The following MYRFL variants were observed in gnomAD, a reference collection of about 807,000 sequenced individuals.
MYRFL encodes myelin regulatory factor-like protein.
MYRFL carries 88 observed loss-of-function variants against 109.4 expected under a neutral mutation model. The observed-to-expected ratio is 0.80, with a 90% confidence interval of 0.68 to 0.96. MYRFL has a LOEUF of 0.96. Ranked by LOEUF, MYRFL falls within the 40% of genes least tolerant of loss-of-function variation. MYRFL has a pLI of 0.00. For missense variants in MYRFL, 957 were observed against 954.9 expected (o/e 1.00, Z -0.03); for synonymous variants, 324 against 320.9 (o/e 1.01, Z -0.10).
intron 4 of MYRFL, among the ~76,000 whole-genome samples, chr12:69,879,729 T>C (rs1407923159): frequency 6.6e-6 from 1 of 152,232 alleles, no homozygotes; most frequent in African/African-American, 2.4e-5. Flanking sequence ...CGTAAGCTTA[T>C]GCAGCCTCAG....
intron 5 of MYRFL, 101 bp from the exon 6 acceptor site, chr12:69,886,719 T>C (rs1886475578): frequency 1.5e-6 from 2 of 1,373,672 alleles, no homozygotes; most frequent in Admixed American, 4.3e-5. Context: ...CCCTAGTCAC[T>C]CTGCCTTACA....
intron 13 of MYRFL, 68 bp downstream of exon 13, chr12:69,910,998 C>T: frequency 3.7e-6 from 4 of 1,091,610 alleles, no homozygotes; most frequent in South Asian, 1.4e-5. Flanking sequence ...TCTGTGATAG[C>T]ACAATGGGCT....
rs770442993 is a variant in MYRFL at position 69,891,112 on chromosome 12, C to T, written c.849C>T (p.Thr283=). ...GGGGAAGTCCAAAATTTGTTGAAAC[C>T]GAGATGGGCCTAAAGCCAATAGAAA... ...QVWGSPKFVE[T]EMGLKPIEMF... is the part of the protein sequence containing the mutation. The change falls in exon 7 of 25, where the codon ACC becomes ACT. Residue 283 remains threonine, a synonymous_variant. Coordinates refer to ENST00000552032, the MANE Select transcript of MYRFL (RefSeq NM_182530.3). 35 of 1,534,296 alleles carry T rather than the reference C, an allele frequency of 2.3e-5. No homozygotes were observed. In the African/African-American group the frequency reaches 3.0e-4, roughly 13 times the overall value.
intron 8 of MYRFL, among the ~76,000 whole-genome samples, chr12:69,895,097 G>A (rs146236546): frequency 1.6e-3 from 241 of 152,346 alleles, no homozygotes; most frequent in African/African-American, 5.4e-3. Context: ...GGTATATGGA[G>A]CATATGGCCC....
chr12:69,855,256 A>G, intron 1 of MYRFL, 24 bp from the exon 2 acceptor site: 1 of 698,358 alleles, frequency 1.4e-6, no homozygotes, highest in South Asian at 1.5e-5. Context: ...CATGTTTCTC[A>G]AGATTTTCAA....
In MYRFL at chr12:69,887,639, T is replaced by C. The variant is rs571101838; in HGVS notation, c.707+669T>C. Among the ~76,000 whole-genome samples the C allele has an allele frequency of 2.2e-3, 335 of 152,352 alleles. 1 individual carries two copies. Among genetic ancestry groups the C allele is most frequent in the Middle Eastern group, 0.01 (3 of 294 alleles). ...CTACTTAAGCCTTCTAGAATTTTCATTGGGCTATAACTTAAGTTAAAATTT... is the reference window on the plus strand; with the variant it reads ...CTACTTAAGCCTTCTAGAATTTTCACTGGGCTATAACTTAAGTTAAAATTT... On this transcript the variant is annotated intron_variant, in intron 6 of 24. Coordinates refer to ENST00000552032, the MANE Select transcript of MYRFL (RefSeq NM_182530.3).
In MYRFL at chr12:69,952,794, T is replaced by G; in HGVS notation, c.2288-5T>G. 1 of 1,517,042 alleles carries G rather than the reference T, an allele frequency of 6.6e-7. No homozygotes were observed. 94.0% of individuals were successfully genotyped at this position (1,517,042 alleles called of 1,614,324 possible). The stretch of plus-strand genomic sequence containing the variant: ...ATTTACTTTGTCTATTTCTTCTCAA[T>G]TCAGGGATTGATACAACCATCAGTT... On this transcript the variant is annotated splice_polypyrimidine_tract_variant and splice_region_variant and intron_variant, in intron 20 of 24. Coordinates refer to ENST00000552032, the MANE Select transcript of MYRFL (RefSeq NM_182530.3).
intron 10 of MYRFL, 34 bp from the exon 11 acceptor site, chr12:69,903,610 A>G: frequency 6.5e-7 from 1 of 1,527,870 alleles, no homozygotes; most frequent in Non-Finnish European, 8.8e-7. Flanking sequence ...TGCTACTGTT[A>G]CTTTAATTGT....
intron 10 of MYRFL, among the ~76,000 whole-genome samples, chr12:69,901,903 A>ATTTTTTTT (rs1203678206): frequency 1.5e-5 from 2 of 137,576 alleles, no homozygotes; most frequent in Non-Finnish European, 1.6e-5. Flanking sequence ...GTTTTTTTTA[A>ATTTTTTTT]ATTTTCTTGA....
chr12:69,956,996 T>C (rs1956111782), intron 22 of MYRFL, among the ~76,000 whole-genome samples: 1 of 152,162 alleles, frequency 6.6e-6, no homozygotes, highest in Non-Finnish European at 1.5e-5. Context: ...ATCAGGACTT[T>C]TAGTTTACAA....
intron 2 of MYRFL, among the ~76,000 whole-genome samples, chr12:69,862,299 G>A (rs1399446393): frequency 6.7e-6 from 1 of 150,372 alleles, no homozygotes; most frequent in East Asian, 1.9e-4. Context: ...GTCATTGGTA[G>A]CTTGATGGGG....
At chr12:69,877,313 G>A (rs1171701201) in intron 2 of MYRFL, among the ~76,000 whole-genome samples, 1 of 152,144 alleles carries the variant, frequency 6.6e-6, no homozygotes, top group Non-Finnish European at 1.5e-5. Flanking sequence ...ATGAGCCACC[G>A]CGCCAGGCCT....
intron 1 of MYRFL, among the ~76,000 whole-genome samples, chr12:69,851,881 C>G (rs1883896915): frequency 6.6e-6 from 1 of 152,160 alleles, no homozygotes. Flanking sequence ...AGGCTGGTCT[C>G]CAACTCCTGA....
At chr12:69,880,069 T>A in intron 4 of MYRFL, 132 bp from the exon 5 acceptor site, 2 of 589,082 alleles carry the variant, frequency 3.4e-6, no homozygotes, top group Non-Finnish European at 6.1e-6. Flanking sequence ...TTCAGCCTAG[T>A]AGGGCTCAAG....
At chr12:69,887,282 A>G (rs1041253530) in intron 6 of MYRFL, among the ~76,000 whole-genome samples, 1 of 152,224 alleles carries the variant, frequency 6.6e-6, no homozygotes, top group Non-Finnish European at 1.5e-5. Flanking sequence ...ACATTCCCCA[A>G]ATCACTAACA....
chr12:69,833,450 G>A (rs1486868181), intron 1 of MYRFL, among the ~76,000 whole-genome samples: 5 of 152,156 alleles, frequency 3.3e-5, no homozygotes, highest in Non-Finnish European at 4.4e-5. Flanking sequence ...TCAGTGGGTC[G>A]AAGACAGCAG....
intron 10 of MYRFL, among the ~76,000 whole-genome samples, chr12:69,901,037 A>C (rs1954166421): frequency 6.6e-6 from 1 of 152,194 alleles, no homozygotes; most frequent in Non-Finnish European, 1.5e-5. Flanking sequence ...AGGTGGGTAA[A>C]GGAGACATGA....
rs71276402 is a variant in MYRFL at position 69,845,792 on chromosome 12, G to GAA, written c.47-9471_47-9470dup. Among the ~76,000 whole-genome samples the GAA allele has an allele frequency of 2.1e-3, 259 of 120,492 alleles. 1 individual carries two copies. The highest frequency in any genetic ancestry group is 7.5e-3 in the South Asian group (29 of 3,878). 79.0% of individuals were successfully genotyped at this position (120,492 alleles called of 152,430 possible). ...ATGACTTTCCACTGTTGGGAAAAGC[G>GAA]AAAAAAAAAAAAAAAAAACCTTGTT... On this transcript the variant is annotated intron_variant, in intron 1 of 24. Coordinates refer to ENST00000552032, the MANE Select transcript of MYRFL (RefSeq NM_182530.3).
In MYRFL at chr12:69,854,270, T is replaced by G. The variant is rs867767601; in HGVS notation, c.47-1010T>G. Among the ~76,000 whole-genome samples the G allele has an allele frequency of 9.0e-3, 1,344 of 149,128 alleles. 20 individuals are homozygous for G. The highest frequency in any genetic ancestry group is 0.031 in the African/African-American group (1,263 of 40,550). On this transcript the variant is annotated intron_variant, in intron 1 of 24. Coordinates refer to ENST00000552032, the MANE Select transcript of MYRFL (RefSeq NM_182530.3). ...TGAGGCAGGAGAATCAGGCAGGGAG[T>G]TTGCAGTGAGCCGAGATGGCGGCAG... is the stretch of plus-strand genomic sequence containing the variant.
Sources: gnomAD v4.1 joint callset for allele counts (sites outside exome capture counted in the v4.1 genomes callset) on GRCh38, gnomAD v4.1.1 for gene constraint, MANE v1.5 for transcripts, NCBI Gene and HGNC (gene_info 2026-07-23, HGNC 2026-07-21) for gene names.